The following ZMIZ1 variants were observed in gnomAD, a reference collection of about 807,000 sequenced individuals.
The protein encoded by ZMIZ1 is zinc finger MIZ domain-containing protein 1.
A neutral mutation model predicts 113.9 loss-of-function variants in ZMIZ1; 17 were observed. The observed-to-expected ratio is 0.15, with a 90% CI of 0.10 to 0.22. The LOEUF is 0.22. Ranked by LOEUF, ZMIZ1 falls within the 10% of genes least tolerant of loss-of-function variation. ZMIZ1 has a pLI of 1.00. For synonymous variants in ZMIZ1, 607 were observed against 603.1 expected (o/e 1.01, Z -0.09); for missense variants, 1,059 against 1,477.8 (o/e 0.72, Z 4.65).
intron 7 of ZMIZ1, among the ~76,000 whole-genome samples, chr10:79,244,464 G>T (rs1296847850): frequency 1.3e-5 from 2 of 152,220 alleles, no homozygotes; most frequent in African/African-American, 4.8e-5. Context: ...ATGGTGCGGT[G>T]GGCACCAGAT....
At chr10:79,088,147 A>G (rs547755353) in intron 1 of ZMIZ1, among the ~76,000 whole-genome samples, 5 of 152,306 alleles carry the variant, frequency 3.3e-5, no homozygotes, top group African/African-American at 9.6e-5. Context: ...AGCCAGAGAG[A>G]TGGCTGGGCC....
chr10:79,115,474 G>A (rs549305437), intron 1 of ZMIZ1, among the ~76,000 whole-genome samples: 2 of 152,340 alleles, frequency 1.3e-5, no homozygotes, highest in South Asian at 4.1e-4. Flanking sequence ...TGAGGTGGCT[G>A]CATCATCCTA....
At chr10:79,242,946 T>C (rs1264491602) in intron 7 of ZMIZ1, among the ~76,000 whole-genome samples, 1 of 141,856 alleles carries the variant, frequency 7.0e-6, no homozygotes, top group African/African-American at 2.6e-5. Context: ...GCGAAGTGGC[T>C]GGGCTGACGG....
intron 4 of ZMIZ1, among the ~76,000 whole-genome samples, chr10:79,198,716 G>T (rs954116923): frequency 6.6e-6 from 1 of 152,204 alleles, no homozygotes; most frequent in African/African-American, 2.4e-5. Context: ...CGATGTGAAC[G>T]GTTATTCCTG....
intron 3 of ZMIZ1, among the ~76,000 whole-genome samples, chr10:79,148,548 C>T (rs911152185): frequency 2.6e-5 from 4 of 152,290 alleles, no homozygotes; most frequent in Admixed American, 6.5e-5. Flanking sequence ...TTCTAGGAAA[C>T]GCCTGTCCGG....
chr10:79,300,153 C>T (rs1854192200), intron 16 of ZMIZ1, among the ~76,000 whole-genome samples: 1 of 152,240 alleles, frequency 6.6e-6, no homozygotes, highest in South Asian at 2.1e-4. Flanking sequence ...AACCACTGTG[C>T]TGCCTGCCTG....
intron 1 of ZMIZ1, among the ~76,000 whole-genome samples, chr10:79,114,705 G>C (rs1843944271): frequency 6.6e-6 from 1 of 152,166 alleles, no homozygotes; most frequent in Non-Finnish European, 1.5e-5. Flanking sequence ...TGGCTCTGGG[G>C]GGCCCAGGGG....
At chr10:79,214,660 C>T (rs1848649436) in intron 6 of ZMIZ1, among the ~76,000 whole-genome samples, 1 of 152,198 alleles carries the variant, frequency 6.6e-6, no homozygotes, top group Admixed American at 6.5e-5. Flanking sequence ...GAGGCCCCTC[C>T]AGGCGCCTCT....
chr10:79,191,373 CG>C (rs34204798), intron 4 of ZMIZ1, among the ~76,000 whole-genome samples: 7 of 151,198 alleles, frequency 4.6e-5, no homozygotes, highest in Admixed American at 3.3e-4. Context: ...AGCTGGTGGT[CG>C]GGGGGGGTCC....
chr10:79,184,783 G>T (rs901207550), intron 4 of ZMIZ1, among the ~76,000 whole-genome samples: 5 of 152,196 alleles, frequency 3.3e-5, no homozygotes, highest in African/African-American at 1.2e-4. Flanking sequence ...GTTCCCCTGT[G>T]CCAGCCGCAC....
intron 2 of ZMIZ1, among the ~76,000 whole-genome samples, chr10:79,124,716 G>A (rs918622054): frequency 2.0e-5 from 3 of 152,188 alleles, no homozygotes; most frequent in African/African-American, 7.2e-5. Context: ...CTGGTGGAGG[G>A]GTAAGGGGAG....
intron 6 of ZMIZ1, among the ~76,000 whole-genome samples, chr10:79,215,604 C>T (rs984577645): frequency 1.3e-5 from 2 of 152,132 alleles, no homozygotes; most frequent in Admixed American, 1.3e-4. Flanking sequence ...TGGCCTAAAT[C>T]ACTGCTTTAG....
chr10:79,312,226 G>A lies in ZMIZ1; in HGVS notation c.3097-416G>A, dbSNP rs1589626015. 3.3e-5 allele frequency among the ~76,000 whole-genome samples: 5 copies of A among 152,240 alleles called. 1 individual carries two copies. The South Asian group carries it at 6.2e-4, about 19-fold the overall frequency. Reference sequence around the variant, plus strand: ...AGAGGGATGTTGGGGGGTTGGGGGCGGTGCAGGAACCACTCGCCTTCCCGC... The same window carrying A: ...AGAGGGATGTTGGGGGGTTGGGGGCAGTGCAGGAACCACTCGCCTTCCCGC... On this transcript the variant is annotated intron_variant, in intron 24 of 24. Coordinates refer to ENST00000334512, the MANE Select transcript of ZMIZ1 (RefSeq NM_020338.4).
chr10:79,306,634 T>C (rs1356795342), intron 22 of ZMIZ1, among the ~76,000 whole-genome samples: 4 of 152,124 alleles, frequency 2.6e-5, no homozygotes, highest in African/African-American at 7.2e-5. Context: ...TTCTGTGATA[T>C]CTACATTTCC....
intron 7 of ZMIZ1, among the ~76,000 whole-genome samples, chr10:79,237,033 G>A (rs4980050): frequency 0.14 from 20,990 of 152,264 alleles, 1,712 homozygotes; most frequent in East Asian, 0.23. Context: ...GGTCAGTGTG[G>A]TGGCGGGGGC....
chr10:79,289,403 C>T (rs1250661856), intron 8 of ZMIZ1, among the ~76,000 whole-genome samples: 1 of 152,098 alleles, frequency 6.6e-6, no homozygotes, highest in Non-Finnish European at 1.5e-5. Flanking sequence ...TTGGGGGAGC[C>T]CAGGCTCTTC....
Position 79,302,193 on chromosome 10 carries a change from A to G in ZMIZ1, c.2106A>G (p.Ala702=). 1.2e-6 allele frequency: 2 copies of G among 1,613,762 alleles called. No individual in the cohort carries two copies. The highest frequency in any genetic ancestry group is 1.7e-6 in the Non-Finnish European group (2 of 1,180,016). ...TCCTCAAGAAGCGCCTCCTGCCCGCAGAGCACTGTATCACGAAAAGTGAGT... is the reference window on the plus strand; with the variant it reads ...TCCTCAAGAAGCGCCTCCTGCCCGCGGAGCACTGTATCACGAAAAGTGAGT... ...QGLLKKRLLP[A]EHCITKIKRN... is the part of the protein sequence containing the mutation. The change falls in exon 18 of 25, where the codon GCA becomes GCG. Residue 702 remains alanine (A), a synonymous_variant. Coordinates refer to ENST00000334512, the MANE Select transcript of ZMIZ1 (RefSeq NM_020338.4).
intron 9 of ZMIZ1, 21 bp from the exon 10 acceptor site, chr10:79,290,938 C>CA (rs1160505477): frequency 6.2e-7 from 1 of 1,610,168 alleles, no homozygotes; most frequent in Non-Finnish European, 8.5e-7. Context: ...CCTTAGGTGA[C>CA]AACCACTTCT....
At chr10:79,170,028 T>G (rs1846534877) in intron 4 of ZMIZ1, among the ~76,000 whole-genome samples, 1 of 152,196 alleles carries the variant, frequency 6.6e-6, no homozygotes, top group African/African-American at 2.4e-5. Context: ...GGAGACACAG[T>G]GCTTCCCAGG....
Sources: gnomAD v4.1 joint callset for allele counts (sites outside exome capture counted in the v4.1 genomes callset) on GRCh38, gnomAD v4.1.1 for gene constraint, MANE v1.5 for transcripts, NCBI Gene and HGNC (gene_info 2026-07-23, HGNC 2026-07-21) for gene names.